TACC2: variants seen among roughly 807,000 people sequenced by gnomAD.
TACC2 encodes the protein transforming acidic coiled-coil-containing protein 2.
TACC2 carries 137 observed loss-of-function variants against 227.3 expected under a neutral mutation model. That is an observed-to-expected ratio of 0.60 (90% confidence interval 0.52 to 0.69). The LOEUF (loss-of-function observed/expected upper bound fraction) is 0.69, where lower values mean the gene tolerates loss of function less well. TACC2 is among the 30% of genes least tolerant of loss of function. TACC2 has a pLI of 0.00. For synonymous variants in TACC2, 1,523 were observed against 1,487.5 expected (o/e 1.02, Z -0.55); for missense variants, 3,470 against 3,694.4 (o/e 0.94, Z 1.57).
rs1238286947 is a variant in TACC2 at position 122,086,224 on chromosome 10, A to G, written c.3724A>G (p.Ser1242Gly). 1 of 1,613,874 alleles carries G rather than the reference A, an allele frequency of 6.2e-7. No individual in the cohort carries two copies. Among genetic ancestry groups the G allele is most frequent in the Non-Finnish European group, 8.5e-7 (1 of 1,180,020 alleles). ...TGACACCCCTTACCTGCATGTCGAC[A>G]GTGCTGCCCAGAGAGGAGCAGAAGA... ...APDTPYLHVD[S>G]AAQRGAEDSG... The change falls in exon 4 of 23, where the codon AGT (serine) becomes GGT (glycine). Residue 1242 changes from serine (S) to glycine (G), a missense_variant. Physicochemically the swap from Ser to Gly is moderately conservative, Grantham distance 56. Around this residue, in one of 10 missense-constraint regions of TACC2, gnomAD observed 1,924 missense variants for 1,978.3 expected, o/e 0.97. Coordinates refer to ENST00000369005, the MANE Select transcript of TACC2 (RefSeq NM_206862.4).
At chr10:122,142,222 G>C (rs1461998934) in intron 6 of TACC2, among the ~76,000 whole-genome samples, 1 of 152,240 alleles carries the variant, frequency 6.6e-6, no homozygotes. Context: ...GAGGGAGCAG[G>C]CAGCATGGGT....
chr10:122,061,285 CA>C (rs58324245), intron 3 of TACC2, among the ~76,000 whole-genome samples: 5,256 of 86,688 alleles, frequency 0.061, 164 homozygotes, highest in African/African-American at 0.22. Flanking sequence ...CACTCCGTCT[CA>C]AAAAAAAAAA....
intron 5 of TACC2, among the ~76,000 whole-genome samples, chr10:122,115,765 A>AT (rs932399009): frequency 1.8e-4 from 27 of 147,472 alleles, no homozygotes; most frequent in South Asian, 6.4e-4. Context: ...GTGTGGGTGT[A>AT]TTTTTTTTTT....
chr10:122,196,355 C>T (rs984591521), intron 8 of TACC2, among the ~76,000 whole-genome samples: 12 of 152,154 alleles, frequency 7.9e-5, no homozygotes, highest in African/African-American at 2.9e-4. Context: ...AGAGCTGATG[C>T]CTTTGGTGGA....
chr10:122,136,545 G>GTGTATATATA (rs1555066884), intron 6 of TACC2, among the ~76,000 whole-genome samples: 1 of 54,960 alleles, frequency 1.8e-5, no homozygotes, highest in African/African-American at 4.9e-5. Flanking sequence ...GTGTGTGTGT[G>GTGTATATATA]TATATATATA....
chr10:122,111,559 C>G (rs1042611972), intron 5 of TACC2, among the ~76,000 whole-genome samples: 1 of 152,128 alleles, frequency 6.6e-6, no homozygotes, highest in South Asian at 2.1e-4. Flanking sequence ...GGTGCAACCT[C>G]GGCTCACTGC....
At chr10:122,019,690 C>T (rs1256040432) in intron 1 of TACC2, 1 of 152,284 alleles carries the variant, frequency 6.6e-6, no homozygotes, top group African/African-American at 2.4e-5. Context: ...TGCGACGGCC[C>T]TGCACGGCTC....
In TACC2 at chr10:122,085,342, C is replaced by T. The variant is rs142194146; in HGVS notation, c.2842C>T (p.Arg948Trp). ...RQKLPALGEK[R>W]PEGACGDGQS... The stretch of plus-strand genomic sequence containing the variant: ...GAAGTTGCCTGCACTAGGGGAGAAG[C>T]GGCCAGAGGGAGCATGCGGTGATGG... The change falls in exon 4 of 23, where the codon CGG becomes TGG. Residue 948 changes from arginine to tryptophan, a missense_variant. Arg to Trp is a moderately radical substitution (Grantham distance 101). Coordinates refer to ENST00000369005, the MANE Select transcript of TACC2 (RefSeq NM_206862.4). 5.2e-4 allele frequency: 845 copies of T among 1,614,036 alleles called. 2 individuals carry two copies. The highest frequency in any genetic ancestry group is 6.3e-4 in the Non-Finnish European group (741 of 1,180,042).
At chr10:122,098,583 C>T (rs967380764) in intron 5 of TACC2, among the ~76,000 whole-genome samples, 12 of 152,158 alleles carry the variant, frequency 7.9e-5, no homozygotes. Flanking sequence ...TGCTAGGGTC[C>T]ACCACAGAGA....
At position 122,050,351 on chromosome 10, in the gene TACC2, G is replaced by A. The variant is rs1013637646; in HGVS notation, c.34-87G>A. ...AGTGAACAACCTTACCTTGAATGCT[G>A]TGGTGGGTGCCCTGTTGATAAATGT... On this transcript the variant is annotated intron_variant, in intron 2 of 22. Transcript: ENST00000369005. This position sits in a 1 kb window ranked among gnomAD's most constrained non-coding sequence, Gnocchi z 4.6. 33 of 998,360 alleles carry A rather than the reference G, an allele frequency of 3.3e-5. No individual in the cohort carries two copies. The highest frequency in any genetic ancestry group is 1.6e-5 in the African/African-American group (1 of 62,330). 61.8% of individuals were successfully genotyped at this position (998,360 alleles called of 1,614,324 possible).
intron 3 of TACC2, among the ~76,000 whole-genome samples, chr10:122,058,108 G>A (rs530310765): frequency 6.6e-6 from 1 of 152,316 alleles, no homozygotes; most frequent in African/African-American, 2.4e-5. Context: ...CACCCTCTGC[G>A]TCACCTTTTA....
intron 5 of TACC2, among the ~76,000 whole-genome samples, chr10:122,131,957 G>A (rs1316199213): frequency 1.2e-4 from 18 of 151,986 alleles, no homozygotes; most frequent in African/African-American, 3.9e-4. Flanking sequence ...GTGAGGCGGC[G>A]GTTGCAATGA....
In TACC2 at chr10:122,229,368, C is replaced by G. The variant is rs762526471; in HGVS notation, c.7919C>G (p.Ala2640Gly). The G allele has an allele frequency of 6.2e-7, 1 of 1,614,078 alleles. No homozygotes were observed. Among genetic ancestry groups the G allele is most frequent in the Non-Finnish European group, 8.5e-7 (1 of 1,180,028 alleles). Reference sequence around the variant, plus strand: ...CAGACAGCTCCCGAGGGCTCCTTTGCCTCTGCTGACGCCCTCCTCAGCAGG... The same window carrying G: ...CAGACAGCTCCCGAGGGCTCCTTTGGCTCTGCTGACGCCCTCCTCAGCAGG... ...IEITAPEGSF[A>G]SADALLSRLA... Residue 2640 changes from alanine (A) to glycine (G), a missense_variant, in exon 15 of 23, where the codon GCC (alanine) becomes GGC (glycine). By Grantham distance (60) the Ala-to-Gly change is moderately conservative (BLOSUM62 0). Around this residue, in one of 10 missense-constraint regions of TACC2, gnomAD observed 345 missense variants for 354.4 expected, o/e 0.97. Transcript: ENST00000369005.
At chr10:122,129,147 C>T (rs2087529818) in intron 5 of TACC2, among the ~76,000 whole-genome samples, 1 of 151,192 alleles carries the variant, frequency 6.6e-6, no homozygotes, top group South Asian at 2.1e-4. Context: ...ATGGCACGAT[C>T]TCTGCTCACT....
At chr10:122,167,471 T>C (rs1229969412) in intron 7 of TACC2, among the ~76,000 whole-genome samples, 2 of 152,322 alleles carry the variant, frequency 1.3e-5, no homozygotes, top group East Asian at 3.9e-4. Context: ...TTCGGGGAAG[T>C]TGATGAGTTG....
chr10:122,179,561 C>T (rs1447472014), intron 7 of TACC2, among the ~76,000 whole-genome samples: 1 of 152,204 alleles, frequency 6.6e-6, no homozygotes, highest in African/African-American at 2.4e-5. Flanking sequence ...CCGGCCACTT[C>T]TCACCTTGGA....
intron 5 of TACC2, among the ~76,000 whole-genome samples, chr10:122,122,613 C>T (rs1040690624): frequency 2.0e-5 from 3 of 151,918 alleles, no homozygotes; most frequent in Non-Finnish European, 4.4e-5. Flanking sequence ...CTGCTTTCCC[C>T]GGGGTCCTGT....
intron 7 of TACC2, among the ~76,000 whole-genome samples, chr10:122,183,877 A>G (rs1202016018): frequency 6.6e-6 from 1 of 152,146 alleles, no homozygotes; most frequent in Non-Finnish European, 1.5e-5. Flanking sequence ...GCTTGGCTCC[A>G]AGTTCTCATC....
At chr10:122,118,015 C>CTT (rs902640167) in intron 5 of TACC2, among the ~76,000 whole-genome samples, 15 of 138,554 alleles carry the variant, frequency 1.1e-4, no homozygotes, top group African/African-American at 2.4e-4. Context: ...TTCTCTTTTT[C>CTT]TTTTTTTTTT....
Sources: allele counts gnomAD v4.1 joint callset (sites outside exome capture counted in the v4.1 genomes callset), GRCh38; gene constraint gnomAD v4.1.1; regional missense constraint gnomAD v4.1.1; non-coding constraint Gnocchi (gnomAD v3.1); transcripts MANE v1.5; gene names NCBI Gene and HGNC (gene_info 2026-07-23, HGNC 2026-07-21).